Variants in RANBP17 observed in about 807,000 individuals in gnomAD.
The protein encoded by RANBP17 is RAN binding protein 17.
A neutral mutation model predicts 141.2 loss-of-function variants in RANBP17; 158 were observed. The observed-to-expected ratio is 1.12, with a 90% confidence interval of 0.98 to 1.28. The LOEUF (loss-of-function observed/expected upper bound fraction) is 1.28. RANBP17 is among the 50% of genes most tolerant of loss of function. RANBP17 has a pLI of 0.00. For synonymous variants in RANBP17, 430 were observed against 450.0 expected (o/e 0.96, Z 0.56); for missense variants, 1,438 against 1,290.7 (o/e 1.11, Z -1.75).
chr5:171,264,045 G>C (rs934769504), intron 24 of RANBP17, among the ~76,000 whole-genome samples: 2 of 152,200 alleles, frequency 1.3e-5, no homozygotes, highest in Non-Finnish European at 1.5e-5. Context: ...CTTGGTGACA[G>C]AGTGAGAACC....
chr5:170,887,238 T>C (rs1364386841), intron 3 of RANBP17, among the ~76,000 whole-genome samples: 1 of 152,338 alleles, frequency 6.6e-6, no homozygotes, highest in Admixed American at 6.5e-5. Context: ...CTGTGGCTTA[T>C]CTTTTTATTC....
chr5:170,871,177 T>C (rs1339847001), intron 1 of RANBP17, among the ~76,000 whole-genome samples: 1 of 152,088 alleles, frequency 6.6e-6, no homozygotes, highest in Non-Finnish European at 1.5e-5. Flanking sequence ...GCCTCCTGAG[T>C]AGCTGGGATT....
intron 1 of RANBP17, among the ~76,000 whole-genome samples, chr5:170,864,594 G>GATTTTTCC (rs1767086054): frequency 1.3e-5 from 2 of 152,164 alleles, no homozygotes; most frequent in African/African-American, 4.8e-5. Context: ...AGATAAGGGG[G>GATTTTTCC]CAGAGTGAGG....
intron 14 of RANBP17, among the ~76,000 whole-genome samples, chr5:171,122,304 C>T (rs941361675): frequency 1.3e-5 from 2 of 152,146 alleles, no homozygotes; most frequent in Non-Finnish European, 2.9e-5. Flanking sequence ...AGTCAACGAG[C>T]ATCAGGTGTC....
chr5:171,035,984 C>T (rs1781859412), intron 14 of RANBP17, among the ~76,000 whole-genome samples: 1 of 152,054 alleles, frequency 6.6e-6, no homozygotes. Flanking sequence ...TCTCCACCTC[C>T]CAGTCTTAAG....
Position 171,116,143 on chromosome 5 carries a change from G to C in RANBP17, c.1711-53987G>C, listed in dbSNP as rs568913204. On this transcript the variant is annotated intron_variant, in intron 14 of 27. Coordinates refer to ENST00000523189, the MANE Select transcript of RANBP17 (RefSeq NM_022897.5). ...GGCTTGGTATTACTTCCTGTTAGAG[G>C]AGGAGGGAGTTGTAGTTAGAAAAGT... Among the ~76,000 whole-genome samples, 8 of 151,912 alleles carry C rather than the reference G, an allele frequency of 5.3e-5. No homozygotes were observed. The East Asian group carries it at 1.4e-3, about 26-fold the overall frequency.
chr5:171,258,200 A>T (rs535488962), intron 24 of RANBP17, among the ~76,000 whole-genome samples: 1 of 152,060 alleles, frequency 6.6e-6, no homozygotes, highest in East Asian at 1.9e-4. Context: ...AAAGATCTCT[A>T]CAAGGAAAAC....
intron 14 of RANBP17, among the ~76,000 whole-genome samples, chr5:171,089,101 C>G (rs1785961543): frequency 6.6e-6 from 1 of 151,624 alleles, no homozygotes; most frequent in African/African-American, 2.4e-5. Context: ...GTTTTATCTA[C>G]TTTTGGTCTT....
At chr5:171,084,014 GGTTA>G (rs1338953354) in intron 14 of RANBP17, among the ~76,000 whole-genome samples, 1 of 149,666 alleles carries the variant, frequency 6.7e-6, no homozygotes, top group Admixed American at 6.7e-5. Context: ...ACATTGTGCA[GGTTA>G]GTTACATATG....
At chr5:171,053,725 T>C (rs916618179) in intron 14 of RANBP17, among the ~76,000 whole-genome samples, 1 of 151,370 alleles carries the variant, frequency 6.6e-6, no homozygotes, top group East Asian at 1.9e-4. Flanking sequence ...TTATTTGGCC[T>C]AATTGCTCTA....
chr5:171,064,159 G>A (rs556999545), intron 14 of RANBP17, among the ~76,000 whole-genome samples: 10 of 152,316 alleles, frequency 6.6e-5, no homozygotes, highest in South Asian at 2.1e-4. Flanking sequence ...CACACGGTGC[G>A]CTGCACCCAC....
At chr5:171,122,314 C>G (rs372055728) in intron 14 of RANBP17, among the ~76,000 whole-genome samples, 2 of 152,146 alleles carry the variant, frequency 1.3e-5, no homozygotes, top group East Asian at 3.8e-4. Flanking sequence ...CATCAGGTGT[C>G]TCTAGTCAGC....
At chr5:171,273,646 A>T (rs1434843161) in intron 25 of RANBP17, among the ~76,000 whole-genome samples, 4 of 152,148 alleles carry the variant, frequency 2.6e-5, no homozygotes, top group Non-Finnish European at 4.4e-5. Context: ...AAATTGAAAC[A>T]TTTGGCAGGC....
At chr5:171,191,598 A>G (rs926904714) in intron 18 of RANBP17, among the ~76,000 whole-genome samples, 1 of 151,972 alleles carries the variant, frequency 6.6e-6, no homozygotes, top group Non-Finnish European at 1.5e-5. Context: ...GAGGCAGGAG[A>G]ATGGCGTGAA....
chr5:171,184,044 A>T (rs189927934), intron 18 of RANBP17, among the ~76,000 whole-genome samples: 72 of 152,368 alleles, frequency 4.7e-4, no homozygotes, highest in Middle Eastern at 3.4e-3. Flanking sequence ...AATGGTTAGT[A>T]CAGCCATTGT....
chr5:171,097,352 T>C (rs1561650972), intron 14 of RANBP17, among the ~76,000 whole-genome samples: 2 of 151,976 alleles, frequency 1.3e-5, no homozygotes, highest in Admixed American at 1.3e-4. Context: ...TAGATGTTAA[T>C]ATGTAATTTA....
At chr5:170,868,237 T>C (rs1363814288) in intron 1 of RANBP17, among the ~76,000 whole-genome samples, 2 of 151,730 alleles carry the variant, frequency 1.3e-5, no homozygotes, top group Non-Finnish European at 2.9e-5. Context: ...AGTTGGATGC[T>C]GTCTGTTTTT....
At chr5:170,949,655 CATT>C (rs1035932051) in intron 12 of RANBP17, among the ~76,000 whole-genome samples, 13 of 152,160 alleles carry the variant, frequency 8.5e-5, no homozygotes, top group African/African-American at 3.1e-4. Context: ...CTTTTGCAAA[CATT>C]ATGGCAGTTC....
chr5:170,869,776 C>T (rs961229523), intron 1 of RANBP17, among the ~76,000 whole-genome samples: 3 of 152,088 alleles, frequency 2.0e-5, no homozygotes, highest in Non-Finnish European at 2.9e-5. Context: ...TTTGTGAAGA[C>T]CCTATTTCCA....
Sources: gnomAD v4.1 joint callset for allele counts (sites outside exome capture counted in the v4.1 genomes callset) on GRCh38, gnomAD v4.1.1 for gene constraint, MANE v1.5 for transcripts, NCBI Gene and HGNC (gene_info 2026-07-23, HGNC 2026-07-21) for gene names.